LIMCH1: variants seen among roughly 807,000 people sequenced by gnomAD.
LIMCH1 encodes the protein LIM and calponin homology domains 1.
Under a neutral mutation model 176.5 loss-of-function variants are expected in LIMCH1, and 113 were observed. The observed-to-expected ratio is 0.64, with a 90% CI of 0.55 to 0.75. The LOEUF (loss-of-function observed/expected upper bound fraction) is 0.75, where lower values mean the gene tolerates loss of function less well. LIMCH1 is among the 30% of genes least tolerant of loss of function. The pLI is 0.00. For missense variants in LIMCH1, 1,674 were observed against 1,814.9 expected, an observed-to-expected ratio of 0.92 and a Z score of 1.41; for synonymous variants, 619 against 645.9, an observed-to-expected ratio of 0.96 and a Z score of 0.63.
intron 2 of LIMCH1, among the ~76,000 whole-genome samples, chr4:41,513,456 C>T (rs1002137038): frequency 2.0e-5 from 3 of 152,066 alleles, no homozygotes; most frequent in Admixed American, 6.5e-5. Context: ...TTCTCCTTGC[C>T]CCATTTGTGT....
chr4:41,633,667 G>A lies in LIMCH1; in HGVS notation c.1949G>A (p.Arg650Gln), dbSNP rs2093440388. 3.9e-6 allele frequency: 6 copies of A among 1,536,144 alleles called. No homozygotes were observed. Among genetic ancestry groups the A allele is most frequent in the Admixed American group, 2.0e-5 (1 of 51,006 alleles). ...GGCCAGCGAAAGTTGGATGATTCACGAAAAGATGACATGATGGCCAGGAGA... is the reference window on the plus strand; with the variant it reads ...GGCCAGCGAAAGTTGGATGATTCACAAAAAGATGACATGATGGCCAGGAGA... ...LKGQRKLDDS[R>Q]KDDMMARRTG... The change falls in exon 13 of 32, where the codon CGA becomes CAA. Residue 650 changes from arginine to glutamine, a missense_variant. Transcript: ENST00000503057.
chr4:41,527,727 G>A (rs1403030918), intron 3 of LIMCH1, among the ~76,000 whole-genome samples: 4 of 151,592 alleles, frequency 2.6e-5, no homozygotes, highest in Non-Finnish European at 5.9e-5. Context: ...GGAGGCTGAG[G>A]CAGGAGAATG....
intron 14 of LIMCH1, among the ~76,000 whole-genome samples, chr4:41,640,218 A>C (rs192187078): frequency 6.6e-6 from 1 of 152,346 alleles, no homozygotes; most frequent in African/African-American, 2.4e-5. Context: ...TTACTTTTCA[A>C]ACCTGCAATG....
rs779184137 is a variant in LIMCH1, at chr4:41,458,773, C to CAA, written c.97-35742_97-35741dup. The stretch of plus-strand genomic sequence containing the variant: ...TGGTGACAGAATGAGACTCTGTCAC[C>CAA]AAAAAAAAAAAAAAAAAAAAAATAG... On this transcript the variant is annotated intron_variant, in intron 1 of 26. Coordinates refer to the LIMCH1 transcript ENST00000313860. 3.2e-3 allele frequency among the ~76,000 whole-genome samples: 172 copies of CAA among 53,264 alleles called. 1 individual carries two copies. Among genetic ancestry groups the CAA allele is most frequent in the African/African-American group, 6.9e-3 (82 of 11,862 alleles). The allele number at this position is 53,264 out of a possible 152,430, so 34.9% of individuals were successfully genotyped here. A position where few individuals can be genotyped will look rare whatever the true frequency, so the allele number is the denominator to read the frequency against.
At chr4:41,395,275 C>T (rs1213391272) in intron 1 of LIMCH1, among the ~76,000 whole-genome samples, 6 of 149,372 alleles carry the variant, frequency 4.0e-5, no homozygotes, top group Non-Finnish European at 8.9e-5. Flanking sequence ...TCTTGTCACC[C>T]AGTCTGGAGG....
At chr4:41,618,965 A>G (rs1002378128) in intron 5 of LIMCH1, among the ~76,000 whole-genome samples, 4 of 152,088 alleles carry the variant, frequency 2.6e-5, no homozygotes, top group African/African-American at 9.7e-5. Flanking sequence ...TGTAGTTTTT[A>G]GTTTTGCCCT....
At position 41,697,189 on chromosome 4, in the gene LIMCH1, G is replaced by A. The variant is rs199843076; in HGVS notation, c.*4G>A. ...CGGGCAGCCTACAACATTGTGACAC[G>A]GCTTTCAAGCTTCCGGATCACTCAC... On this transcript the variant is annotated 3_prime_UTR_variant, in exon 32 of 32. Transcript: ENST00000503057. The A allele has an allele frequency of 9.9e-5, 160 of 1,613,228 alleles. No homozygotes were observed. The African/African-American group carries it at 1.2e-3, about 12-fold the overall frequency.
intron 1 of LIMCH1, among the ~76,000 whole-genome samples, chr4:41,363,840 C>A (rs1363245467): frequency 6.6e-6 from 1 of 152,212 alleles, no homozygotes; most frequent in Admixed American, 6.5e-5. Flanking sequence ...ACAGGTTGCA[C>A]ATCTAACTGT....
chr4:41,490,763 A>G (rs919809067), intron 1 of LIMCH1, among the ~76,000 whole-genome samples: 1 of 152,264 alleles, frequency 6.6e-6, no homozygotes, highest in South Asian at 2.1e-4. Context: ...CGCCATCGTT[A>G]TCACGGCCCG....
At chr4:41,505,469 C>T (rs1357771377) in intron 2 of LIMCH1, among the ~76,000 whole-genome samples, 1 of 152,178 alleles carries the variant, frequency 6.6e-6, no homozygotes, top group Non-Finnish European at 1.5e-5. Flanking sequence ...CAAACTTGAT[C>T]ATGTGTGAAT....
intron 1 of LIMCH1, among the ~76,000 whole-genome samples, chr4:41,441,938 G>A (rs1040807082): frequency 4.0e-5 from 6 of 149,960 alleles, no homozygotes; most frequent in Non-Finnish European, 7.4e-5. Flanking sequence ...AAATGATTTT[G>A]CTTCTTTGTC....
intron 30 of LIMCH1, 33 bp from the exon 31 acceptor site, chr4:41,692,249 C>A: frequency 2.5e-6 from 3 of 1,213,888 alleles, no homozygotes; most frequent in Non-Finnish European, 3.7e-6. Flanking sequence ...ATTCCTTATG[C>A]ATCTTATGAT....
rs561145551 is a variant in LIMCH1, at chr4:41,575,828, G to C, written c.-240-23092G>C. On this transcript the variant is annotated intron_variant, in intron 1 of 31. Transcript: ENST00000503057. Reference sequence around the variant, plus strand: ...ATACTCCCAGCCTGTTGATCTTATAGGAGATTCCCCTATACTTTGGGCTTC... The same window carrying C: ...ATACTCCCAGCCTGTTGATCTTATACGAGATTCCCCTATACTTTGGGCTTC... Among the ~76,000 whole-genome samples, 80 of 152,260 alleles carry C rather than the reference G, an allele frequency of 5.3e-4. 1 individual carries two copies. Among genetic ancestry groups the C allele is most frequent in the Non-Finnish European group, 8.7e-4 (59 of 68,022 alleles).
At chr4:41,416,814 T>C (rs1044072067) in intron 1 of LIMCH1, among the ~76,000 whole-genome samples, 2 of 152,178 alleles carry the variant, frequency 1.3e-5, no homozygotes, top group African/African-American at 4.8e-5. Context: ...TAGGCAAACC[T>C]ATCCCCAAAG....
chr4:41,600,421 T>A (rs2152750940), intron 2 of LIMCH1, among the ~76,000 whole-genome samples: 1 of 152,228 alleles, frequency 6.6e-6, no homozygotes, highest in South Asian at 2.1e-4. Context: ...GCTTCGTAGG[T>A]AATAATTAGT....
chr4:41,647,578 G>T (rs1350094251), intron 17 of LIMCH1, among the ~76,000 whole-genome samples: 2 of 152,200 alleles, frequency 1.3e-5, no homozygotes, highest in African/African-American at 4.8e-5. Flanking sequence ...TCAGGAGGAA[G>T]CACTCATCCT....
At chr4:41,637,023 A>T (rs988601146) in intron 13 of LIMCH1, among the ~76,000 whole-genome samples, 2 of 152,242 alleles carry the variant, frequency 1.3e-5, no homozygotes, top group African/African-American at 2.4e-5. Context: ...CTATTAATAG[A>T]TTCTTGATTA....
chr4:41,370,921 T>A (rs1404180832), intron 1 of LIMCH1, among the ~76,000 whole-genome samples: 1 of 152,114 alleles, frequency 6.6e-6, no homozygotes, highest in Non-Finnish European at 1.5e-5. Context: ...AGCACGGAAA[T>A]GGTAAGTGAT....
At chr4:41,476,641 G>T (rs1248640357) in intron 1 of LIMCH1, among the ~76,000 whole-genome samples, 1 of 152,234 alleles carries the variant, frequency 6.6e-6, no homozygotes, top group African/African-American at 2.4e-5. Context: ...ACCAAAGGAA[G>T]ATAAGTAGGG....
Sources: gnomAD v4.1 joint callset for allele counts (sites outside exome capture counted in the v4.1 genomes callset) on GRCh38, gnomAD v4.1.1 for gene constraint, MANE v1.5 for transcripts, NCBI Gene and HGNC (gene_info 2026-07-23, HGNC 2026-07-21) for gene names.